Variants in ADAMTSL1 observed in about 807,000 individuals in gnomAD.
ADAMTSL1 encodes the protein ADAMTS-like protein 1.
Under a neutral mutation model 201.8 loss-of-function variants are expected in ADAMTSL1, and 126 were observed. The ratio of observed to expected loss-of-function variants is 0.62; its 90% CI spans 0.54 to 0.72. ADAMTSL1 has a LOEUF of 0.72. ADAMTSL1 is among the 30% of genes least tolerant of loss of function. ADAMTSL1 has a pLI of 0.00. For synonymous variants in ADAMTSL1, 1,121 were observed against 903.4 expected (o/e 1.24, Z -4.32); for missense variants, 2,679 against 2,277.8 (o/e 1.18, Z -3.59).
At chr9:17,958,915 A>G (rs2131392570) in intron 1 of ADAMTSL1, among the ~76,000 whole-genome samples, 1 of 152,336 alleles carries the variant, frequency 6.6e-6, no homozygotes, top group South Asian at 2.1e-4. Flanking sequence ...TAATGCTGTC[A>G]TACCTTAAAT....
At chr9:18,522,835 G>A (rs978115680) in intron 2 of ADAMTSL1, among the ~76,000 whole-genome samples, 2 of 151,866 alleles carry the variant, frequency 1.3e-5, no homozygotes, top group South Asian at 2.1e-4. Flanking sequence ...TAATCCAGTT[G>A]ATCATTCATG....
At chr9:18,593,229 C>G (rs1309829828) in intron 4 of ADAMTSL1, among the ~76,000 whole-genome samples, 1 of 151,790 alleles carries the variant, frequency 6.6e-6, no homozygotes, top group Non-Finnish European at 1.5e-5. Context: ...TTTGATTTCT[C>G]TAGCTAGGAC....
intron 1 of ADAMTSL1, among the ~76,000 whole-genome samples, chr9:18,500,024 CT>C (rs1356123613): frequency 3.3e-5 from 5 of 152,174 alleles, no homozygotes; most frequent in Non-Finnish European, 5.9e-5. Context: ...CATCTTACAT[CT>C]TTCATGTATT....
At chr9:18,322,050 A>C (rs1834642797) in intron 2 of ADAMTSL1, among the ~76,000 whole-genome samples, 1 of 152,188 alleles carries the variant, frequency 6.6e-6, no homozygotes, top group Non-Finnish European at 1.5e-5. Flanking sequence ...GTCAGGTAAG[A>C]CATCAATGAG....
chr9:18,364,505 C>T (rs7020284), intron 2 of ADAMTSL1, among the ~76,000 whole-genome samples: 51,589 of 151,890 alleles, frequency 0.34, 9,100 homozygotes, highest in Admixed American at 0.44. Flanking sequence ...CCAAGAGACA[C>T]GAGTTCTTAA....
At chr9:17,956,738 G>A (rs1404596790) in intron 1 of ADAMTSL1, among the ~76,000 whole-genome samples, 1 of 152,136 alleles carries the variant, frequency 6.6e-6, no homozygotes, top group Non-Finnish European at 1.5e-5. Context: ...CATTTCAATG[G>A]TAGAATGGCA....
intron 3 of ADAMTSL1, among the ~76,000 whole-genome samples, chr9:18,558,579 C>A (rs766919923): frequency 6.6e-6 from 1 of 152,118 alleles, no homozygotes; most frequent in Non-Finnish European, 1.5e-5. Flanking sequence ...CCTGAGGAAT[C>A]GCCACACTGT....
intron 26 of ADAMTSL1, among the ~76,000 whole-genome samples, chr9:18,901,319 A>AAAAG (rs1414813752): frequency 6.6e-6 from 1 of 152,164 alleles, no homozygotes; most frequent in African/African-American, 2.4e-5. Context: ...AGTTATAATA[A>AAAAG]AAAGATGCTA....
chr9:18,153,323 G>A (rs947249402), intron 1 of ADAMTSL1, among the ~76,000 whole-genome samples: 2 of 151,990 alleles, frequency 1.3e-5, no homozygotes, highest in African/African-American at 2.4e-5. Flanking sequence ...TGGGAAAGTC[G>A]ATCTACTTCT....
intron 2 of ADAMTSL1, among the ~76,000 whole-genome samples, chr9:18,230,917 T>G (rs1470585766): frequency 6.6e-6 from 1 of 152,182 alleles, no homozygotes; most frequent in Non-Finnish European, 1.5e-5. Context: ...AGTACATATT[T>G]GTGCCTAGGA....
intron 26 of ADAMTSL1, among the ~76,000 whole-genome samples, chr9:18,902,106 A>T (rs1298863338): frequency 6.6e-6 from 1 of 152,256 alleles, no homozygotes; most frequent in Non-Finnish European, 1.5e-5. Flanking sequence ...TCAGAGCCCC[A>T]AAGTATATGA....
At chr9:18,435,398 A>G (rs1050265121) in intron 2 of ADAMTSL1, among the ~76,000 whole-genome samples, 6 of 152,210 alleles carry the variant, frequency 3.9e-5, no homozygotes, top group African/African-American at 1.4e-4. Flanking sequence ...CTGACTTCAC[A>G]AAGTTGTATT....
At chr9:18,555,535 C>T (rs1013753807) in intron 3 of ADAMTSL1, among the ~76,000 whole-genome samples, 1 of 151,920 alleles carries the variant, frequency 6.6e-6, no homozygotes. Flanking sequence ...TTGTATCAGG[C>T]TTGGACGAGG....
At chr9:18,344,199 T>A (rs931708777) in intron 2 of ADAMTSL1, among the ~76,000 whole-genome samples, 2 of 152,198 alleles carry the variant, frequency 1.3e-5, no homozygotes, top group Non-Finnish European at 2.9e-5. Flanking sequence ...TAACTAAAAT[T>A]CCTTAGGCTC....
chr9:18,611,492 A>G (rs1825361331), intron 4 of ADAMTSL1, among the ~76,000 whole-genome samples: 1 of 152,200 alleles, frequency 6.6e-6, no homozygotes, highest in African/African-American at 2.4e-5. Flanking sequence ...CACCAAAAAC[A>G]ATACACAAAA....
chr9:18,367,935 T>A (rs1358447627), intron 2 of ADAMTSL1, among the ~76,000 whole-genome samples: 2 of 152,244 alleles, frequency 1.3e-5, no homozygotes, highest in African/African-American at 4.8e-5. Context: ...AGTCTCGCTC[T>A]GTCGCCCAGG....
chr9:17,919,828 G>T (rs1826236977), intron 1 of ADAMTSL1, among the ~76,000 whole-genome samples: 1 of 151,994 alleles, frequency 6.6e-6, no homozygotes. Context: ...TTTCTCTTGG[G>T]TATATACCTA....
chr9:18,213,441 G>C (rs975954837), intron 2 of ADAMTSL1, among the ~76,000 whole-genome samples: 9 of 152,142 alleles, frequency 5.9e-5, no homozygotes, highest in African/African-American at 2.2e-4. Flanking sequence ...CTCTAGTGTT[G>C]TTTTCCGTTA....
intron 2 of ADAMTSL1, among the ~76,000 whole-genome samples, chr9:18,438,946 G>T (rs947962108): frequency 6.6e-6 from 1 of 150,582 alleles, no homozygotes; most frequent in African/African-American, 2.4e-5. Flanking sequence ...TCCCCCACCC[G>T]CATTTATGCA....
Sources: allele counts gnomAD v4.1 joint callset (sites outside exome capture counted in the v4.1 genomes callset), GRCh38; gene constraint gnomAD v4.1.1; transcripts MANE v1.5; gene names NCBI Gene and HGNC (gene_info 2026-07-23, HGNC 2026-07-21).